The following ATP10B variants were observed in gnomAD, a reference collection of about 807,000 sequenced individuals.
The protein encoded by ATP10B is ATPase phospholipid transporting 10B (putative), also known as phospholipid-transporting ATPase VB.
In ATP10B, 122 loss-of-function variants were observed where a neutral mutation model predicts 141.2. The observed-to-expected ratio is 0.86, with a 90% confidence interval of 0.75 to 1.00. The LOEUF is 1.00. ATP10B is among the 50% of genes least tolerant of loss of function. ATP10B has a pLI of 0.00. For synonymous variants in ATP10B, 685 were observed against 692.0 expected (o/e 0.99, Z 0.16); for missense variants, 1,876 against 1,825.3 (o/e 1.03, Z -0.51).
intron 2 of ATP10B, among the ~76,000 whole-genome samples, chr5:160,735,668 T>G (rs775826857): frequency 6.6e-6 from 1 of 152,060 alleles, no homozygotes; most frequent in Non-Finnish European, 1.5e-5. Context: ...TCACAGAACA[T>G]TTCATCCAAT....
intron 2 of ATP10B, among the ~76,000 whole-genome samples, chr5:160,776,438 T>C (rs918485271): frequency 2.6e-5 from 4 of 152,214 alleles, no homozygotes; most frequent in Non-Finnish European, 5.9e-5. Flanking sequence ...ACTGGCTAGG[T>C]ATGTCCCAGG....
At chr5:160,772,051 A>G (rs1323903419) in intron 2 of ATP10B, among the ~76,000 whole-genome samples, 1 of 152,236 alleles carries the variant, frequency 6.6e-6, no homozygotes, top group Admixed American at 6.5e-5. Flanking sequence ...TGCTTCCATA[A>G]CTTGGCTATT....
At chr5:160,775,057 C>T (rs200681679) in intron 2 of ATP10B, among the ~76,000 whole-genome samples, 1 of 152,214 alleles carries the variant, frequency 6.6e-6, no homozygotes, top group Non-Finnish European at 1.5e-5. Context: ...GGAGGCAGAA[C>T]TGAAGTTTGT....
At chr5:160,726,202 G>A (rs1766345992) in intron 2 of ATP10B, among the ~76,000 whole-genome samples, 1 of 152,116 alleles carries the variant, frequency 6.6e-6, no homozygotes, top group South Asian at 2.1e-4. Context: ...CCTTTTCTCT[G>A]CATGGTGAGT....
intron 13 of ATP10B, among the ~76,000 whole-genome samples, chr5:160,627,832 G>A (rs1309887310): frequency 6.6e-6 from 1 of 152,242 alleles, no homozygotes; most frequent in Non-Finnish European, 1.5e-5. Context: ...ATGTGCTTGT[G>A]TATATGCCAT....
At chr5:160,599,076 A>G in intron 21 of ATP10B, 106 bp from the exon 22 acceptor site, 4 of 931,020 alleles carry the variant, frequency 4.3e-6, no homozygotes, top group Non-Finnish European at 1.7e-6. Flanking sequence ...TGCCTCATTT[A>G]TAACACACAG....
the ATP10B span, among the ~76,000 whole-genome samples, chr5:160,902,535 G>A: frequency 6.6e-6 from 1 of 152,166 alleles, no homozygotes; most frequent in Non-Finnish European, 1.5e-5. Flanking sequence ...GGCATTTGAT[G>A]AAACAAAGAA....
chr5:160,660,922 C>T (rs1402494020), intron 7 of ATP10B, among the ~76,000 whole-genome samples: 1 of 152,230 alleles, frequency 6.6e-6, no homozygotes, highest in Non-Finnish European at 1.5e-5. Flanking sequence ...TGCAGTGGCT[C>T]ACGCCTGTAA....
intron 25 of ATP10B, among the ~76,000 whole-genome samples, chr5:160,566,515 G>C (rs566068639): frequency 6.6e-6 from 1 of 152,186 alleles, no homozygotes; most frequent in East Asian, 1.9e-4. Context: ...GGGGCCCCAA[G>C]AGGTGAGGTG....
rs1478622009 is a variant in ATP10B at position 160,573,646 on chromosome 5, G to A, written c.3751-3963C>T. Among the ~76,000 whole-genome samples, 4 of 152,164 alleles carry A rather than the reference G, an allele frequency of 2.6e-5. No homozygotes were observed. The East Asian group carries it at 7.7e-4, about 29-fold the overall frequency. On this transcript the variant is annotated intron_variant, in intron 24 of 25. Coordinates refer to ENST00000327245, the MANE Select transcript of ATP10B (RefSeq NM_025153.3). ...TGAACTGTGGATGTGAGGGATCTAGGTTGCATGCTCCTTATGAGACTCAAA... is the reference window on the plus strand; with the variant it reads ...TGAACTGTGGATGTGAGGGATCTAGATTGCATGCTCCTTATGAGACTCAAA...
At chr5:160,824,025 A>G (rs1449857941) in intron 1 of ATP10B, among the ~76,000 whole-genome samples, 1 of 151,820 alleles carries the variant, frequency 6.6e-6, no homozygotes, top group Non-Finnish European at 1.5e-5. Flanking sequence ...ATGTTTACAC[A>G]TTTTTCTTTT....
intron 24 of ATP10B, among the ~76,000 whole-genome samples, chr5:160,572,498 C>T (rs952602829): frequency 6.6e-6 from 1 of 152,090 alleles, no homozygotes; most frequent in African/African-American, 2.4e-5. Context: ...GGTACCTAGT[C>T]TGAAGATAGA....
chr5:160,708,800 G>GA (rs1765174455), intron 3 of ATP10B, among the ~76,000 whole-genome samples: 2 of 152,142 alleles, frequency 1.3e-5, no homozygotes, highest in African/African-American at 4.8e-5. Context: ...TCTGTCTAGG[G>GA]AAAAATCCAT....
At chr5:160,912,880 T>C in the ATP10B span, among the ~76,000 whole-genome samples, 1 of 152,278 alleles carries the variant, frequency 6.6e-6, no homozygotes, top group African/African-American at 2.4e-5. Context: ...AGAAGGTGTG[T>C]TCCCCTGCTT....
At chr5:160,924,606 G>A in the ATP10B span, among the ~76,000 whole-genome samples, 1 of 152,142 alleles carries the variant, frequency 6.6e-6, no homozygotes, top group Non-Finnish European at 1.5e-5. Flanking sequence ...AGAAGCCAGG[G>A]CCCACCTAGT....
chr5:160,860,751 T>C, the ATP10B span, among the ~76,000 whole-genome samples: 3 of 151,992 alleles, frequency 2.0e-5, no homozygotes, highest in Non-Finnish European at 2.9e-5. Flanking sequence ...ATATTTTGTT[T>C]AGCCTTCACA....
the ATP10B span, among the ~76,000 whole-genome samples, chr5:160,897,839 A>G: frequency 6.6e-6 from 1 of 152,224 alleles, no homozygotes. Flanking sequence ...GTACCAAAAC[A>G]GATATATAGA....
chr5:160,653,606 CATATATACATATATATT>C (rs1223914331), intron 7 of ATP10B, among the ~76,000 whole-genome samples: 3,204 of 35,572 alleles, frequency 0.09, 326 homozygotes, highest in African/African-American at 0.17. Context: ...TACATATATA[CATATATACATATATATT>C]ATATATACAT....
intron 2 of ATP10B, among the ~76,000 whole-genome samples, chr5:160,761,261 G>C (rs1008164133): frequency 6.6e-6 from 1 of 152,142 alleles, no homozygotes; most frequent in African/African-American, 2.4e-5. Flanking sequence ...GTGCACTAAA[G>C]AAAACTACAA....
Sources: allele counts gnomAD v4.1 joint callset (sites outside exome capture counted in the v4.1 genomes callset), GRCh38; gene constraint gnomAD v4.1.1; transcripts MANE v1.5; gene names NCBI Gene and HGNC (gene_info 2026-07-23, HGNC 2026-07-21).